Variants in MAPK10 observed in about 807,000 individuals in gnomAD.
MAPK10 encodes the protein JNK3 alpha protein kinase.
Under a neutral mutation model 59.3 loss-of-function variants are expected in MAPK10, and 25 were observed. The observed-to-expected ratio is 0.42, with a 90% CI of 0.31 to 0.59. MAPK10 has a LOEUF of 0.59. Among genes scored for constraint, MAPK10 ranks in the 20% least tolerant of loss-of-function variants. The pLI, the probability that MAPK10 is intolerant of heterozygous loss-of-function variation, is 0.15. For missense variants in MAPK10, 351 were observed against 568.9 expected, an observed-to-expected ratio of 0.62 and a Z score of 3.90; for synonymous variants, 190 against 200.5, an observed-to-expected ratio of 0.95 and a Z score of 0.44.
chr4:86,078,793 C>T (rs905905783), intron 9 of MAPK10, among the ~76,000 whole-genome samples: 1 of 151,974 alleles, frequency 6.6e-6, no homozygotes, highest in African/African-American at 2.4e-5. Flanking sequence ...AGTTCAAGAC[C>T]AGCCTGACCA....
chr4:86,084,875 G>C (rs1456453930), intron 9 of MAPK10, among the ~76,000 whole-genome samples: 1 of 152,120 alleles, frequency 6.6e-6, no homozygotes, highest in Non-Finnish European at 1.5e-5. Flanking sequence ...TAACCAAACA[G>C]CATGATACTG....
chr4:86,532,203 T>C (rs762369622), intron 1 of MAPK10, among the ~76,000 whole-genome samples: 3 of 151,840 alleles, frequency 2.0e-5, no homozygotes, highest in Non-Finnish European at 4.4e-5. Context: ...AATAAAGAAT[T>C]TAAGACTTTG....
chr4:86,514,706 G>A (rs1302883915), intron 1 of MAPK10, among the ~76,000 whole-genome samples: 2 of 152,152 alleles, frequency 1.3e-5, no homozygotes, highest in Non-Finnish European at 2.9e-5. Context: ...AAGAGATTAT[G>A]GCTGTGGTGC....
rs35357476 is a variant in MAPK10, at chr4:86,191,553, CTTTTTTTTTTTTTTTTTT to C, written c.66+2765_66+2782del. On this transcript the variant is annotated intron_variant, in intron 3 of 13. Coordinates refer to ENST00000641462, the MANE Select transcript of MAPK10 (RefSeq NM_138982.4). Reference sequence around the variant, plus strand: ...TCAGAGACTAGGATTACAACCCGTGCTTTTTTTTTTTTTTTTTTTTTTTTTTTTTTTTTTTTTTTGCTT... The same window carrying C: ...TCAGAGACTAGGATTACAACCCGTGCTTTTTTTTTTTTTTTTTTTTTGCTT... The C allele has an allele frequency of 5.7e-3, 172 of 30,400 alleles. 3 individuals carry two copies. Among genetic ancestry groups the C allele is most frequent in the African/African-American group, 8.8e-3 (154 of 17,516 alleles). 1.9% of individuals were successfully genotyped at this position (30,400 alleles called of 1,614,324 possible).
At chr4:86,396,798 G>A (rs1202262369) in intron 1 of MAPK10, among the ~76,000 whole-genome samples, 1 of 152,136 alleles carries the variant, frequency 6.6e-6, no homozygotes, top group Non-Finnish European at 1.5e-5. Flanking sequence ...ACCAAGTCAT[G>A]AGGGATCCAC....
intron 1 of MAPK10, among the ~76,000 whole-genome samples, chr4:86,476,410 A>T (rs1191683608): frequency 3.3e-5 from 5 of 152,190 alleles, no homozygotes; most frequent in African/African-American, 1.2e-4. Flanking sequence ...GGCATAGTCA[A>T]GGTTAATGCT....
chr4:86,051,858 C>A (rs1327470145), intron 11 of MAPK10, among the ~76,000 whole-genome samples: 1 of 152,030 alleles, frequency 6.6e-6, no homozygotes, highest in African/African-American at 2.4e-5. Context: ...AAGAAACAAA[C>A]AAAAATCTTT....
chr4:86,334,443 T>G (rs1006800336), intron 2 of MAPK10, among the ~76,000 whole-genome samples: 1 of 152,178 alleles, frequency 6.6e-6, no homozygotes, highest in African/African-American at 2.4e-5. Flanking sequence ...CAAATCTGCT[T>G]GTGTCTGTGA....
intron 1 of MAPK10, among the ~76,000 whole-genome samples, chr4:86,570,307 T>G (rs79821423): frequency 0.045 from 6,809 of 152,234 alleles, 200 homozygotes; most frequent in African/African-American, 0.052. Flanking sequence ...CAGGTAAATT[T>G]ATTTTTACAG....
chr4:86,550,667 C>T (rs1036057714), intron 1 of MAPK10, among the ~76,000 whole-genome samples: 2 of 152,158 alleles, frequency 1.3e-5, no homozygotes, highest in South Asian at 4.1e-4. Context: ...CATGCCATTG[C>T]ACCCCAGCCT....
At chr4:86,370,467 C>A (rs554529102) in intron 1 of MAPK10, among the ~76,000 whole-genome samples, 13 of 151,978 alleles carry the variant, frequency 8.6e-5, no homozygotes, top group Non-Finnish European at 1.2e-4. Context: ...ATTCAACCAG[C>A]AAATCACTGA....
At chr4:86,298,472 A>G (rs1055000412) in intron 2 of MAPK10, among the ~76,000 whole-genome samples, 46 of 152,300 alleles carry the variant, frequency 3.0e-4, no homozygotes, top group African/African-American at 1.1e-3. Flanking sequence ...TAGAGTGCTG[A>G]GCTTCAGGAA....
intron 2 of MAPK10, among the ~76,000 whole-genome samples, chr4:86,346,911 CAT>C (rs147548253): frequency 0.015 from 2,229 of 152,086 alleles, 58 homozygotes; most frequent in African/African-American, 0.05. Flanking sequence ...TGCACACACA[CAT>C]ATGTCTTAAT....
At chr4:86,386,814 C>A (rs1741531243) in intron 1 of MAPK10, among the ~76,000 whole-genome samples, 1 of 152,140 alleles carries the variant, frequency 6.6e-6, no homozygotes. Flanking sequence ...AGGCTTACAT[C>A]TTGGCCATCC....
chr4:86,307,817 G>A lies in MAPK10; in HGVS notation c.-7+46713C>T, dbSNP rs189243882. Among the ~76,000 whole-genome samples the A allele has an allele frequency of 1.6e-4, 24 of 152,214 alleles. 2 individuals are homozygous for A. In the East Asian group the frequency reaches 3.3e-3, roughly 21 times the overall value. ...GTGTGTAGTTAATTCTAAGGCAAGA[G>A]GGAATCATTAAAGATTTTAGTAGTA... On this transcript the variant is annotated intron_variant, in intron 2 of 13. Transcript: ENST00000641462.
intron 3 of MAPK10, among the ~76,000 whole-genome samples, chr4:86,161,466 C>A (rs2069608892): frequency 6.6e-6 from 1 of 152,048 alleles, no homozygotes; most frequent in South Asian, 2.1e-4. Flanking sequence ...CATTTCTACT[C>A]TAGACTTTTT....
At chr4:86,553,444 GTCAC>G (rs1760013560) in intron 1 of MAPK10, among the ~76,000 whole-genome samples, 1 of 152,134 alleles carries the variant, frequency 6.6e-6, no homozygotes, top group Non-Finnish European at 1.5e-5. Flanking sequence ...CAGCCTCTGG[GTCAC>G]TCAAACTGGA....
At chr4:86,020,269 T>C (rs547324325) in intron 13 of MAPK10, 1 of 152,390 alleles carries the variant, frequency 6.6e-6, no homozygotes, top group South Asian at 2.1e-4. Context: ...TTCATATCTT[T>C]GTATGGCTGC....
At chr4:86,476,748 T>G (rs1006779050) in intron 1 of MAPK10, among the ~76,000 whole-genome samples, 2 of 152,170 alleles carry the variant, frequency 1.3e-5, no homozygotes, top group Non-Finnish European at 2.9e-5. Flanking sequence ...TTGCAATTCC[T>G]TGCCTCCACT....
Sources: gnomAD v4.1 joint callset for allele counts (sites outside exome capture counted in the v4.1 genomes callset) on GRCh38, gnomAD v4.1.1 for gene constraint, MANE v1.5 for transcripts, NCBI Gene and HGNC (gene_info 2026-07-23, HGNC 2026-07-21) for gene names.